The following ARID5B variants were observed in gnomAD, a reference collection of about 807,000 sequenced individuals.
The protein encoded by ARID5B is AT-rich interactive domain-containing protein 5B.
In ARID5B, 13 loss-of-function variants were observed where a neutral mutation model predicts 97.2. The observed-to-expected ratio is 0.13, with a 90% CI of 0.09 to 0.21. The LOEUF is 0.21. ARID5B is among the 10% of genes least tolerant of loss of function. The pLI, the probability that ARID5B is intolerant of heterozygous loss-of-function variation, is 1.00. For synonymous variants in ARID5B, 556 were observed against 570.3 expected (o/e 0.97, Z 0.36); for missense variants, 1,210 against 1,465.3 (o/e 0.83, Z 2.84).
intron 4 of ARID5B, among the ~76,000 whole-genome samples, chr10:62,042,779 G>A (rs1228115467): frequency 2.6e-5 from 4 of 152,062 alleles, no homozygotes; most frequent in African/African-American, 9.7e-5. Context: ...GCTGGGCTTG[G>A]TGGCGGGCGC....
chr10:61,997,275 GA>G (rs1023824966), intron 3 of ARID5B, among the ~76,000 whole-genome samples: 8 of 143,010 alleles, frequency 5.6e-5, no homozygotes, highest in Non-Finnish European at 1.1e-4. Flanking sequence ...GAGGTGGAGA[GA>G]AAAAAAAAAG....
chr10:62,072,175 T>TCAGAGGTGGAGCACTG (rs1269118853), intron 8 of ARID5B, among the ~76,000 whole-genome samples: 2 of 152,064 alleles, frequency 1.3e-5, no homozygotes, highest in Non-Finnish European at 2.9e-5. Context: ...CTTCGGGAGC[T>TCAGAGGTGGAGCACTG]CAGAGGTGGA....
At chr10:62,051,247 G>C in intron 5 of ARID5B, 1 of 583,462 alleles carries the variant, frequency 1.7e-6, no homozygotes, top group Non-Finnish European at 3.1e-6. Flanking sequence ...AGTTTGGCCT[G>C]TTATGAGTAA....
chr10:62,041,868 C>G lies in ARID5B; in HGVS notation c.734-9020C>G, dbSNP rs139159317. Among the ~76,000 whole-genome samples the G allele has an allele frequency of 9.5e-4, 144 of 152,294 alleles. 3 individuals are homozygous for G. In the East Asian group the frequency reaches 0.027, roughly 29 times the overall value. On this transcript the variant is annotated intron_variant, in intron 4 of 9. Transcript: ENST00000279873. ...TCTGATATTTACTGCTCTTACAAGG[C>G]TATTCAGTACAAAAATGTTGCTTTC...
chr10:62,002,861 G>A (rs1027935125), intron 4 of ARID5B, among the ~76,000 whole-genome samples: 18 of 152,124 alleles, frequency 1.2e-4, no homozygotes, highest in Admixed American at 2.6e-4. Flanking sequence ...TGTACCACAC[G>A]TTTGGTGACT....
At chr10:61,993,302 T>C (rs535887680) in intron 3 of ARID5B, among the ~76,000 whole-genome samples, 11 of 152,330 alleles carry the variant, frequency 7.2e-5, no homozygotes, top group African/African-American at 2.2e-4. Context: ...CACATTTACA[T>C]AGAGCTATAA....
intron 4 of ARID5B, among the ~76,000 whole-genome samples, chr10:62,006,261 G>T (rs969500974): frequency 6.6e-6 from 1 of 152,130 alleles, no homozygotes; most frequent in East Asian, 1.9e-4. Context: ...GGCCAATGTG[G>T]TGAAACCTCT....
chr10:61,944,687 G>C (rs751528047), intron 3 of ARID5B, among the ~76,000 whole-genome samples: 1 of 152,146 alleles, frequency 6.6e-6, no homozygotes, highest in Non-Finnish European at 1.5e-5. Flanking sequence ...TCTACAGGTT[G>C]ACTTTTTATT....
intron 3 of ARID5B, among the ~76,000 whole-genome samples, chr10:61,950,039 G>A (rs970179556): frequency 2.6e-5 from 4 of 151,910 alleles, no homozygotes; most frequent in Non-Finnish European, 2.9e-5. Flanking sequence ...ATGGAGGTTT[G>A]CTCTGTCACC....
chr10:62,038,848 G>A (rs189055759), intron 4 of ARID5B, among the ~76,000 whole-genome samples: 1 of 152,300 alleles, frequency 6.6e-6, no homozygotes, highest in East Asian at 1.9e-4. Flanking sequence ...GAGGGCAATG[G>A]AGCGTTTGCT....
chr10:61,953,424 G>C (rs763854134), intron 3 of ARID5B, among the ~76,000 whole-genome samples: 11 of 152,090 alleles, frequency 7.2e-5, no homozygotes, highest in Non-Finnish European at 1.3e-4. Flanking sequence ...CTTTTCACAT[G>C]TGCGGCCTGT....
intron 2 of ARID5B, among the ~76,000 whole-genome samples, chr10:61,926,005 A>C (rs1844099055): frequency 6.6e-6 from 1 of 152,198 alleles, no homozygotes; most frequent in Admixed American, 6.5e-5. Flanking sequence ...AGGTTGGAAG[A>C]GGAGGGGCTA....
intron 2 of ARID5B, among the ~76,000 whole-genome samples, chr10:61,918,538 T>G (rs74156284): frequency 2.0e-3 from 302 of 152,344 alleles, no homozygotes; most frequent in African/African-American, 6.9e-3. Flanking sequence ...ATTTATGGGT[T>G]GAGATATTGG....
chr10:61,988,462 T>C (rs1838876479), intron 3 of ARID5B, among the ~76,000 whole-genome samples: 1 of 152,194 alleles, frequency 6.6e-6, no homozygotes, highest in Non-Finnish European at 1.5e-5. Flanking sequence ...TTACTTTGAA[T>C]TGATTTTTGT....
At position 62,000,460 on chromosome 10, in the gene ARID5B, A is replaced by G. The variant is rs369322134; in HGVS notation, c.733+139A>G. The G allele has an allele frequency of 4.5e-5, 33 of 735,228 alleles. No homozygotes were observed. Among genetic ancestry groups the G allele is most frequent in the African/African-American group, 2.5e-4 (14 of 56,028 alleles). 45.5% of individuals were successfully genotyped at this position (735,228 alleles called of 1,614,324 possible). A position where few individuals can be genotyped will look rare whatever the true frequency, so the allele number is the denominator to read the frequency against. On this transcript the variant is annotated intron_variant, in intron 4 of 9. Coordinates refer to ENST00000279873, the MANE Select transcript of ARID5B (RefSeq NM_032199.3). The surrounding 1 kb of genome is among the most constrained non-coding windows in gnomAD (Gnocchi z 4.4). ...GCTGCCCCACCCCTCCCATCCCCCA[A>G]ATTATTGCGGCATAAGGCGTCATTG...
chr10:62,000,144 C>A lies in ARID5B; in HGVS notation c.556C>A (p.Arg186=), dbSNP rs1387114823. The change falls in exon 4 of 10, where the codon CGG becomes AGG. Residue 186 remains arginine, a synonymous_variant. Transcript: ENST00000279873. This position sits in a 1 kb window ranked among gnomAD's most constrained non-coding sequence, Gnocchi z 4.4. ...AGTTCTCAGCTACCCCCAGTACTGCCGGTACCGCTCGATGCTGAAACGCAT... is the reference window on the plus strand; with the variant it reads ...AGTTCTCAGCTACCCCCAGTACTGCAGGTACCGCTCGATGCTGAAACGCAT... ...VIVLSYPQYC[R]YRSMLKRIQD... 6.2e-7 allele frequency: 1 copy of A among 1,613,964 alleles called. No individual in the cohort carries two copies. Among genetic ancestry groups the A allele is most frequent in the African/African-American group, 1.3e-5 (1 of 74,998 alleles).
chr10:62,058,430 A>G (rs987378357), intron 6 of ARID5B, among the ~76,000 whole-genome samples: 2 of 152,154 alleles, frequency 1.3e-5, no homozygotes, highest in African/African-American at 2.4e-5. Context: ...TTGAAGTTCA[A>G]TTTTCCCCTC....
In ARID5B at chr10:62,000,210, T is replaced by C; in HGVS notation, c.622T>C (p.Leu208=). The part of the protein sequence containing the change: ...PSSILTDQFA[L]ALGGIAVVSR... ...TTCCATTCTAACGGACCAGTTTGCA[T>C]TGGCCCTGGGGGGCATTGCAGTGGT... The change falls in exon 4 of 10, where the codon TTG becomes CTG. Residue 208 remains leucine (L), a synonymous_variant. Coordinates refer to ENST00000279873, the MANE Select transcript of ARID5B (RefSeq NM_032199.3). This position sits in a 1 kb window ranked among gnomAD's most constrained non-coding sequence, Gnocchi z 4.4. The C allele has an allele frequency of 1.2e-6, 2 of 1,614,056 alleles. No homozygotes were observed. The highest frequency in any genetic ancestry group is 1.7e-5 in the Admixed American group (1 of 60,024).
At chr10:62,064,608 A>C (rs1355519932) in intron 7 of ARID5B, among the ~76,000 whole-genome samples, 1 of 151,862 alleles carries the variant, frequency 6.6e-6, no homozygotes, top group Non-Finnish European at 1.5e-5. Context: ...AAGTGACAGG[A>C]TATTTTCATC....
Sources: gnomAD v4.1 joint callset for allele counts (sites outside exome capture counted in the v4.1 genomes callset) on GRCh38, gnomAD v4.1.1 for gene constraint, Gnocchi (gnomAD v3.1) non-coding constraint, MANE v1.5 for transcripts, NCBI Gene and HGNC (gene_info 2026-07-23, HGNC 2026-07-21) for gene names.